GLG1: variants seen among roughly 807,000 people sequenced by gnomAD.
GLG1 encodes the protein Golgi apparatus protein 1.
Under a neutral mutation model 160.5 loss-of-function variants are expected in GLG1, and 38 were observed. The observed-to-expected ratio is 0.24, with a 90% confidence interval of 0.18 to 0.31. The LOEUF (loss-of-function observed/expected upper bound fraction) is 0.31. Among genes scored for constraint, GLG1 ranks in the 10% least tolerant of loss-of-function variants. GLG1 has a pLI of 1.00. For synonymous variants in GLG1, 644 were observed against 543.4 expected, an observed-to-expected ratio of 1.19 and a Z score of -2.57; for missense variants, 1,373 against 1,505.2, an observed-to-expected ratio of 0.91 and a Z score of 1.45.
intron 1 of GLG1, among the ~76,000 whole-genome samples, chr16:74,603,437 T>G (rs1273520978): frequency 1.3e-5 from 2 of 151,008 alleles, no homozygotes; most frequent in Admixed American, 6.6e-5. Context: ...AAATCTAATC[T>G]ATGAACATCA....
intron 11 of GLG1, among the ~76,000 whole-genome samples, chr16:74,478,429 G>C (rs1336958442): frequency 1.3e-5 from 2 of 152,098 alleles, no homozygotes; most frequent in Non-Finnish European, 2.9e-5. Flanking sequence ...AGCTGTTATT[G>C]ACAGATACAG....
At chr16:74,458,476 G>A (rs549993161) in intron 23 of GLG1, among the ~76,000 whole-genome samples, 35 of 152,018 alleles carry the variant, frequency 2.3e-4, no homozygotes, top group Admixed American at 4.6e-4. Flanking sequence ...TCTGAGACCC[G>A]TGTGGGTAAC....
intron 5 of GLG1, among the ~76,000 whole-genome samples, chr16:74,496,183 G>T (rs886480166): frequency 6.6e-6 from 1 of 151,892 alleles, no homozygotes; most frequent in Non-Finnish European, 1.5e-5. Flanking sequence ...CAGAAGAATC[G>T]CTTGAACCCA....
intron 2 of GLG1, among the ~76,000 whole-genome samples, chr16:74,530,096 G>A (rs561069264): frequency 9.9e-5 from 15 of 152,018 alleles, no homozygotes; most frequent in Admixed American, 2.0e-4. Context: ...GGACTACTGC[G>A]CCCGGCTGGC....
At chr16:74,566,473 G>A (rs1352574942) in intron 1 of GLG1, among the ~76,000 whole-genome samples, 1 of 152,100 alleles carries the variant, frequency 6.6e-6, no homozygotes, top group Non-Finnish European at 1.5e-5. Context: ...TCTCCTGTAT[G>A]TCTCATATTT....
At chr16:74,604,145 C>T (rs1958508715) in intron 1 of GLG1, among the ~76,000 whole-genome samples, 1 of 152,110 alleles carries the variant, frequency 6.6e-6, no homozygotes, top group Admixed American at 6.6e-5. Flanking sequence ...GCTATGACTG[C>T]ACCACTGCAC....
chr16:74,543,151 G>A (rs1229840005), intron 1 of GLG1, among the ~76,000 whole-genome samples: 4 of 152,040 alleles, frequency 2.6e-5, no homozygotes, highest in Admixed American at 2.0e-4. Flanking sequence ...GTATAACCCA[G>A]TGCAAATTAC....
At chr16:74,458,024 C>G in intron 23 of GLG1, 30 bp from the exon 24 acceptor site, 1 of 1,609,686 alleles carries the variant, frequency 6.2e-7, no homozygotes, top group Non-Finnish European at 8.5e-7. Flanking sequence ...GCAGACAGAG[C>G]TTTTGAAGGG....
At chr16:74,567,847 C>T (rs1372251279) in intron 1 of GLG1, among the ~76,000 whole-genome samples, 4 of 152,072 alleles carry the variant, frequency 2.6e-5, no homozygotes, top group African/African-American at 9.7e-5. Context: ...GGATTACAGG[C>T]GTGAGCCACC....
intron 1 of GLG1, among the ~76,000 whole-genome samples, chr16:74,585,501 T>C (rs1328888249): frequency 6.6e-6 from 1 of 151,808 alleles, no homozygotes; most frequent in Non-Finnish European, 1.5e-5. Context: ...GGTCATGAGA[T>C]TGAGACCATC....
chr16:74,578,582 C>T (rs150243038), intron 1 of GLG1, among the ~76,000 whole-genome samples: 1 of 152,224 alleles, frequency 6.6e-6, no homozygotes, highest in East Asian at 1.9e-4. Context: ...GACTGTAGTC[C>T]TTCATTATCA....
chr16:74,453,245 G>A lies in GLG1; in HGVS notation c.3462C>T (p.Ser1154=). Residue 1154 remains serine, a synonymous_variant, in exon 26 of 26, where the codon AGC becomes AGT. Transcript: ENST00000422840. ...GGCCAATCAGGAACAATATACAGAT[G>A]CTCCCACTGATCACAGAGAGAATGT... ...KNYILSVISG[S]ICILFLIGLM... is the part of the protein sequence containing the mutation. The A allele has an allele frequency of 6.2e-7, 1 of 1,613,118 alleles. No homozygotes were observed. Among genetic ancestry groups the A allele is most frequent in the Non-Finnish European group, 8.5e-7 (1 of 1,179,140 alleles).
intron 20 of GLG1, chr16:74,462,880 T>G: frequency 2.0e-6 from 1 of 506,050 alleles, no homozygotes; most frequent in Non-Finnish European, 3.5e-6. Flanking sequence ...ACTCCAATAC[T>G]CTAAGGAGTC....
At chr16:74,580,974 AAAAC>A (rs1248419850) in intron 1 of GLG1, among the ~76,000 whole-genome samples, 2 of 152,236 alleles carry the variant, frequency 1.3e-5, no homozygotes, top group African/African-American at 2.4e-5. Context: ...CTACGTCTCA[AAAAC>A]AAACAAACAG....
In GLG1 at chr16:74,452,408, T is replaced by G; in HGVS notation, c.*759A>C. 1 of 1,187,968 alleles carries G rather than the reference T, an allele frequency of 8.4e-7. No homozygotes were observed. Among genetic ancestry groups the G allele is most frequent in the Non-Finnish European group, 1.1e-6 (1 of 950,118 alleles). 73.6% of individuals were successfully genotyped at this position (1,187,968 alleles called of 1,614,324 possible). A position where few individuals can be genotyped will look rare whatever the true frequency, so the allele number is the denominator to read the frequency against. On this transcript the variant is annotated 3_prime_UTR_variant, in exon 26 of 26. Coordinates refer to ENST00000422840, the MANE Select transcript of GLG1 (RefSeq NM_001145667.2). ...ACTGTTCAACTTCACAAACTTCCGGTCCCTTCCCCTCCCCAGCTGCCCTTG... is the reference window on the plus strand; with the variant it reads ...ACTGTTCAACTTCACAAACTTCCGGGCCCTTCCCCTCCCCAGCTGCCCTTG...
At chr16:74,527,570 T>G (rs950856872) in intron 2 of GLG1, among the ~76,000 whole-genome samples, 1 of 152,040 alleles carries the variant, frequency 6.6e-6, no homozygotes, top group Non-Finnish European at 1.5e-5. Flanking sequence ...TCTTAAAGCA[T>G]GAAAGAATAA....
chr16:74,561,797 T>C (rs551478105), intron 1 of GLG1, among the ~76,000 whole-genome samples: 379 of 152,332 alleles, frequency 2.5e-3, no homozygotes, highest in African/African-American at 8.6e-3. Context: ...ACCTGGTCCT[T>C]CCTGAATCCG....
intron 20 of GLG1, 122 bp downstream of exon 20, chr16:74,463,234 C>T: frequency 1.1e-6 from 1 of 928,312 alleles, no homozygotes; most frequent in East Asian, 2.4e-5. Context: ...TGCTTACACT[C>T]AGACTCCTCC....
chr16:74,501,000 G>A (rs1192216665), intron 4 of GLG1, among the ~76,000 whole-genome samples: 4 of 152,160 alleles, frequency 2.6e-5, no homozygotes, highest in African/African-American at 9.7e-5. Flanking sequence ...CCTCTCCTCG[G>A]TCCTCTGGAG....
Sources: gnomAD v4.1 joint callset for allele counts (sites outside exome capture counted in the v4.1 genomes callset) on GRCh38, gnomAD v4.1.1 for gene constraint, MANE v1.5 for transcripts, NCBI Gene and HGNC (gene_info 2026-07-23, HGNC 2026-07-21) for gene names.